Variants in SGIP1 observed in about 807,000 individuals in gnomAD.
SGIP1 encodes SH3-containing GRB2-like protein 3-interacting protein 1.
A neutral mutation model predicts 107.5 loss-of-function variants in SGIP1; 38 were observed. That is an observed-to-expected ratio of 0.35 (90% CI 0.27 to 0.46). SGIP1 has a LOEUF of 0.46. SGIP1 is among the 20% of genes least tolerant of loss of function. SGIP1 has a pLI of 1.00. For missense variants in SGIP1, 929 were observed against 1,019.5 expected (o/e 0.91, Z 1.21); for synonymous variants, 365 against 366.1 (o/e 1.00, Z 0.03).
chr1:66,547,247 T>C (rs1367120466), intron 1 of SGIP1, among the ~76,000 whole-genome samples: 2 of 152,148 alleles, frequency 1.3e-5, no homozygotes, highest in Admixed American at 1.3e-4. Context: ...TACCAGAAGA[T>C]AAGCACCTTT....
chr1:66,739,219 C>A (rs1337242906), intron 21 of SGIP1, 116 bp from the exon 22 acceptor site: 2 of 1,100,816 alleles, frequency 1.8e-6, no homozygotes, highest in South Asian at 2.9e-5. Flanking sequence ...GCACGCTTCA[C>A]GGTGCCTCTC....
chr1:66,574,936 A>T (rs2060864400), intron 1 of SGIP1, among the ~76,000 whole-genome samples: 2 of 152,186 alleles, frequency 1.3e-5, no homozygotes, highest in South Asian at 4.1e-4. Context: ...TTATGAAACC[A>T]TGGTGCTAGC....
intron 8 of SGIP1, chr1:66,666,681 C>T (rs2082624829): frequency 6.6e-6 from 1 of 152,210 alleles, no homozygotes; most frequent in African/African-American, 2.4e-5. Context: ...TTGAAGAGGT[C>T]CTTCACATCC....
chr1:66,671,664 T>A (rs1020144870), intron 10 of SGIP1, among the ~76,000 whole-genome samples: 2 of 152,340 alleles, frequency 1.3e-5, no homozygotes, highest in East Asian at 1.9e-4. Context: ...AATGGTGTGC[T>A]CTTTCACTAA....
chr1:66,659,907 T>A, intron 7 of SGIP1, among the ~76,000 whole-genome samples: 1 of 131,944 alleles, frequency 7.6e-6, no homozygotes, highest in Non-Finnish European at 1.6e-5. Context: ...AGACAGACTC[T>A]GTCAGAAACA....
At chr1:66,623,748 G>A (rs190034338) in intron 1 of SGIP1, among the ~76,000 whole-genome samples, 1 of 152,272 alleles carries the variant, frequency 6.6e-6, no homozygotes, top group Admixed American at 6.5e-5. Context: ...TCTTATCGTT[G>A]GCTGATTTGT....
At position 66,745,831 on chromosome 1, in the gene SGIP1, C is replaced by T. The variant is rs917999904; in HGVS notation, c.*2736C>T. 7 of 152,024 alleles carry T rather than the reference C, an allele frequency of 4.6e-5. No homozygotes were observed. Among genetic ancestry groups the T allele is most frequent in the South Asian group, 2.1e-4 (1 of 4,812 alleles). 9.4% of individuals were successfully genotyped at this position (152,024 alleles called of 1,614,324 possible). A position where few individuals can be genotyped will look rare whatever the true frequency, so the allele number is the denominator to read the frequency against. ...TCTTTTCCAATAAAATCCATATTTT[C>T]GTGAAATTTTTAAAAATAAATTTGT... On this transcript the variant is annotated 3_prime_UTR_variant, in exon 25 of 25. Coordinates refer to ENST00000371037, the MANE Select transcript of SGIP1 (RefSeq NM_032291.4).
intron 1 of SGIP1, among the ~76,000 whole-genome samples, chr1:66,562,950 C>A (rs1285036790): frequency 6.6e-6 from 1 of 151,908 alleles, no homozygotes; most frequent in Non-Finnish European, 1.5e-5. Flanking sequence ...GTAATGTAAT[C>A]CTTTGTTATT....
intron 1 of SGIP1, among the ~76,000 whole-genome samples, chr1:66,609,650 A>G (rs2067543055): frequency 6.6e-6 from 1 of 152,210 alleles, no homozygotes; most frequent in African/African-American, 2.4e-5. Context: ...ACTGAACAAG[A>G]TGCATGGATG....
chr1:66,672,087 C>CCATTAACA (rs1459189877), intron 11 of SGIP1, 92 bp downstream of exon 11: 23 of 1,195,056 alleles, frequency 1.9e-5, no homozygotes, highest in Non-Finnish European at 2.7e-5. Context: ...CTCTCAGCTC[C>CCATTAACA]CATTAACAAA....
At chr1:66,587,657 C>T (rs2062845546) in intron 1 of SGIP1, among the ~76,000 whole-genome samples, 1 of 152,074 alleles carries the variant, frequency 6.6e-6, no homozygotes, top group Admixed American at 6.6e-5. Context: ...TGTGAACATT[C>T]TAGGATACTG....
intron 18 of SGIP1, among the ~76,000 whole-genome samples, chr1:66,716,192 C>A (rs1438068277): frequency 6.6e-6 from 1 of 152,068 alleles, no homozygotes. Context: ...CACCAAAGAG[C>A]CCAGACTAGG....
chr1:66,649,473 G>A (rs1251811418), intron 7 of SGIP1, among the ~76,000 whole-genome samples: 2 of 152,162 alleles, frequency 1.3e-5, no homozygotes, highest in Admixed American at 1.3e-4. Flanking sequence ...CAGGGTGGTT[G>A]TTGCCATGGT....
intron 1 of SGIP1, among the ~76,000 whole-genome samples, chr1:66,575,375 G>A (rs6701988): frequency 0.14 from 21,330 of 151,992 alleles, 1,927 homozygotes; most frequent in East Asian, 0.32. Flanking sequence ...AAATTTACTT[G>A]GCCTTATGTT....
chr1:66,672,835 T>C (rs959943545), intron 11 of SGIP1, among the ~76,000 whole-genome samples: 4 of 151,678 alleles, frequency 2.6e-5, no homozygotes, highest in African/African-American at 7.3e-5. Flanking sequence ...TACTTAATAT[T>C]GCTATGCTTG....
chr1:66,641,603 C>T (rs576385470), intron 5 of SGIP1, among the ~76,000 whole-genome samples: 24 of 152,182 alleles, frequency 1.6e-4, no homozygotes, highest in Non-Finnish European at 3.2e-4. Flanking sequence ...TCTGATTTCT[C>T]TTATTTTCCC....
intron 1 of SGIP1, among the ~76,000 whole-genome samples, chr1:66,580,864 T>C (rs967881044): frequency 1.3e-5 from 2 of 152,112 alleles, no homozygotes; most frequent in African/African-American, 2.4e-5. Flanking sequence ...ATTCATACAG[T>C]ATAAAATCAC....
chr1:66,598,762 A>T (rs904040759), intron 1 of SGIP1, among the ~76,000 whole-genome samples: 3 of 152,190 alleles, frequency 2.0e-5, no homozygotes, highest in African/African-American at 7.2e-5. Flanking sequence ...GTGCTAAACC[A>T]TTCACGAGAA....
At chr1:66,670,907 T>A (rs2083625515) in intron 9 of SGIP1, 88 bp from the exon 10 acceptor site, 1 of 598,006 alleles carries the variant, frequency 1.7e-6, no homozygotes. Context: ...TTATTTGAGT[T>A]CAGTTTAATT....
Sources: allele counts gnomAD v4.1 joint callset (sites outside exome capture counted in the v4.1 genomes callset), GRCh38; gene constraint gnomAD v4.1.1; transcripts MANE v1.5; gene names NCBI Gene and HGNC (gene_info 2026-07-23, HGNC 2026-07-21).